WDR93: variants seen among roughly 807,000 people sequenced by gnomAD.
The protein encoded by WDR93 is WD repeat domain 93.
A neutral mutation model predicts 82.9 loss-of-function variants in WDR93; 73 were observed. The ratio of observed to expected loss-of-function variants is 0.88; its 90% CI spans 0.73 to 1.07. WDR93 has a LOEUF of 1.07. WDR93 is among the 50% of genes least tolerant of loss of function. WDR93 has a pLI of 0.00. For missense variants in WDR93, 738 were observed against 826.0 expected (o/e 0.89, Z 1.31); for synonymous variants, 283 against 300.1 (o/e 0.94, Z 0.59).
intron 5 of WDR93, 49 bp from the exon 6 acceptor site, chr15:89,714,931 T>C (rs775844185): frequency 1.3e-6 from 2 of 1,517,676 alleles, no homozygotes; most frequent in South Asian, 1.2e-5. Context: ...CAGAGGAAAC[T>C]TGTGGCTCTC....
At chr15:89,730,322 C>CAA (rs370652070) in intron 11 of WDR93, among the ~76,000 whole-genome samples, 85 of 123,408 alleles carry the variant, frequency 6.9e-4, no homozygotes, top group African/African-American at 1.5e-3. Context: ...AAGACTATCT[C>CAA]AAAAAAAAAA....
At chr15:89,720,570 C>T (rs145877621) in intron 7 of WDR93, among the ~76,000 whole-genome samples, 1,588 of 152,260 alleles carry the variant, frequency 0.01, 23 homozygotes, top group Non-Finnish European at 0.012. Context: ...TGCACCCAGC[C>T]GACTAGTAGA....
chr15:89,710,973 C>T (rs1388418095), intron 4 of WDR93, among the ~76,000 whole-genome samples: 2 of 152,168 alleles, frequency 1.3e-5, no homozygotes, highest in South Asian at 4.1e-4. Flanking sequence ...AGGTATCCTA[C>T]TTTTGTTGCC....
At chr15:89,730,640 A>C (rs1322459681) in intron 11 of WDR93, among the ~76,000 whole-genome samples, 2 of 152,208 alleles carry the variant, frequency 1.3e-5, no homozygotes, top group Non-Finnish European at 2.9e-5. Flanking sequence ...TCATGCCTGT[A>C]ATCCCAGTAC....
intron 7 of WDR93, among the ~76,000 whole-genome samples, chr15:89,720,933 T>G (rs1966498953): frequency 6.9e-6 from 1 of 145,344 alleles, no homozygotes. Flanking sequence ...TCTCTAAGAT[T>G]GTAGATTTAT....
chr15:89,737,845 C>A, intron 15 of WDR93, 116 bp downstream of exon 15: 1 of 1,447,444 alleles, frequency 6.9e-7, no homozygotes, highest in Non-Finnish European at 9.4e-7. Flanking sequence ...CTACCATAGG[C>A]CAAAGGGTAC....
intron 8 of WDR93, among the ~76,000 whole-genome samples, chr15:89,726,279 G>A (rs1370652492): frequency 6.6e-6 from 1 of 152,142 alleles, no homozygotes; most frequent in Non-Finnish European, 1.5e-5. Context: ...CAGATTGCTG[G>A]GCCCCACCAC....
rs1567102753 is a variant in WDR93, at chr15:89,705,454, G to A, written c.497-100G>A. The A allele has an allele frequency of 5.3e-6, 4 of 761,010 alleles. No individual in the cohort carries two copies. The East Asian group carries it at 7.8e-5, about 15-fold the overall frequency. 47.1% of individuals were successfully genotyped at this position (761,010 alleles called of 1,614,324 possible). ...CTGGGAAGGAGGCCTAAGAATGAGC[G>A]AGCTCATGATGGTAAGTTCACAAAG... On this transcript the variant is annotated intron_variant, in intron 3 of 16. Coordinates refer to ENST00000268130, the MANE Select transcript of WDR93 (RefSeq NM_020212.2).
At chr15:89,717,250 G>A (rs1335465184) in intron 7 of WDR93, among the ~76,000 whole-genome samples, 1 of 151,370 alleles carries the variant, frequency 6.6e-6, no homozygotes, top group African/African-American at 2.4e-5. Context: ...GTAGAGACAG[G>A]GTTTTCTCCA....
At chr15:89,713,491 G>C (rs1223077772) in intron 5 of WDR93, among the ~76,000 whole-genome samples, 1 of 134,592 alleles carries the variant, frequency 7.4e-6, no homozygotes, top group African/African-American at 2.9e-5. Flanking sequence ...TTTTTTTTTT[G>C]AGAAGGAGTC....
At chr15:89,736,918 AGTAGC>A (rs1208661930) in intron 14 of WDR93, among the ~76,000 whole-genome samples, 4 of 151,586 alleles carry the variant, frequency 2.6e-5, no homozygotes, top group Non-Finnish European at 4.4e-5. Flanking sequence ...CAGCCTCCCG[AGTAGC>A]TGGGACTACA....
chr15:89,739,609 A>T (rs780232639), intron 16 of WDR93, among the ~76,000 whole-genome samples: 5 of 152,148 alleles, frequency 3.3e-5, no homozygotes, highest in Admixed American at 6.5e-5. Flanking sequence ...ATCCTTGTTG[A>T]TGATTCCTTT....
chr15:89,737,620 C>A lies in WDR93; in HGVS notation c.1656C>A (p.Ala552=), dbSNP rs148853182. The A allele has an allele frequency of 1.2e-5, 19 of 1,614,178 alleles. No individual in the cohort carries two copies. Among genetic ancestry groups the A allele is most frequent in the Admixed American group, 3.3e-5 (2 of 60,020 alleles). Residue 552 remains alanine (A), a synonymous_variant, in exon 15 of 17, where the codon GCC becomes GCA. Coordinates refer to ENST00000268130, the MANE Select transcript of WDR93 (RefSeq NM_020212.2). ...GCTCTGTGTGCCTTATGGATGTGGC[C>A]AAGCGTGAAATCATCTGTGCCTTTG... ...KNGSVCLMDV[A]KREIICAFAP... is the part of the protein sequence containing the mutation.
chr15:89,736,603 G>A (rs959956174), intron 14 of WDR93, among the ~76,000 whole-genome samples: 2 of 152,102 alleles, frequency 1.3e-5, no homozygotes, highest in Admixed American at 1.3e-4. Flanking sequence ...TGCAAGCAGA[G>A]AGGAGAGTCT....
chr15:89,739,553 G>A (rs1967489213), intron 16 of WDR93, among the ~76,000 whole-genome samples: 1 of 152,144 alleles, frequency 6.6e-6, no homozygotes. Context: ...GGAGAAATAG[G>A]TGTCTCTTCT....
At chr15:89,692,900 G>A (rs576006929) in intron 1 of WDR93, among the ~76,000 whole-genome samples, 7 of 126,818 alleles carry the variant, frequency 5.5e-5, no homozygotes, top group African/African-American at 5.8e-5. Flanking sequence ...GAGCCACCAC[G>A]CCTGGCCTCA....
intron 14 of WDR93, among the ~76,000 whole-genome samples, chr15:89,737,371 G>C (rs913577869): frequency 2.0e-5 from 3 of 152,234 alleles, no homozygotes; most frequent in African/African-American, 7.2e-5. Context: ...GCATGTGGAG[G>C]AGGGTCTGTT....
chr15:89,709,156 AATG>A (rs1965851207), intron 4 of WDR93, among the ~76,000 whole-genome samples: 1 of 152,228 alleles, frequency 6.6e-6, no homozygotes, highest in Non-Finnish European at 1.5e-5. Flanking sequence ...AGAGGTCAGC[AATG>A]AAGAGGAAAA....
Position 89,701,858 on chromosome 15 carries a change from G to T in WDR93, c.112G>T (p.Glu38Ter). 1 of 1,614,204 alleles carries T rather than the reference G, an allele frequency of 6.2e-7. No homozygotes were observed. Among genetic ancestry groups the T allele is most frequent in the Non-Finnish European group, 8.5e-7 (1 of 1,180,034 alleles). ...AGAGAAGGACTGGCCTAAAGACGAT[G>T]AACAGGATCATGTCCTCGTGGATCC... ...PTEKDWPKDD[E>*]QDHVLVDPDE... is the part of the protein sequence containing the mutation. Residue 38 changes from glutamate to a stop codon, truncating the protein, a stop_gained, in exon 2 of 17, where the codon GAA becomes TAA. Coordinates refer to ENST00000268130, the MANE Select transcript of WDR93 (RefSeq NM_020212.2). LOFTEE classifies it high-confidence loss of function.
Sources: allele counts gnomAD v4.1 joint callset (sites outside exome capture counted in the v4.1 genomes callset), GRCh38; gene constraint gnomAD v4.1.1; transcripts MANE v1.5; gene names NCBI Gene and HGNC (gene_info 2026-07-23, HGNC 2026-07-21).